Variants in ASIC2 observed in about 807,000 individuals in gnomAD.
The protein encoded by ASIC2 is acid-sensing ion channel 2.
Under a neutral mutation model 57.3 loss-of-function variants are expected in ASIC2, and 25 were observed. The observed-to-expected ratio is 0.44, with a 90% CI of 0.32 to 0.61. The LOEUF (loss-of-function observed/expected upper bound fraction) is 0.61, where lower values mean the gene tolerates loss of function less well. Ranked by LOEUF, ASIC2 falls within the 20% of genes least tolerant of loss-of-function variation. ASIC2 has a pLI of 0.06. For missense variants in ASIC2, 641 were observed against 738.1 expected (o/e 0.87, Z 1.52); for synonymous variants, 319 against 307.5 (o/e 1.04, Z -0.39).
chr17:33,320,214 G>C (rs1287970966), intron 1 of ASIC2, among the ~76,000 whole-genome samples: 1 of 152,162 alleles, frequency 6.6e-6, no homozygotes, highest in Non-Finnish European at 1.5e-5. Context: ...TTCTAAGAGG[G>C]CTCTCTATAA....
intron 1 of ASIC2, among the ~76,000 whole-genome samples, chr17:33,856,434 G>A (rs1913931578): frequency 4.5e-5 from 1 of 22,062 alleles, no homozygotes; most frequent in Admixed American, 7.1e-4. Flanking sequence ...TACTAGTAAT[G>A]AGGGTGGTAG....
chr17:33,139,399 A>G (rs1349894776), intron 1 of ASIC2, among the ~76,000 whole-genome samples: 2 of 152,150 alleles, frequency 1.3e-5, no homozygotes, highest in Non-Finnish European at 2.9e-5. Context: ...TCTTGGAAAA[A>G]TCTTTCAGTC....
At chr17:33,144,909 A>G (rs915070144) in intron 1 of ASIC2, among the ~76,000 whole-genome samples, 2 of 152,126 alleles carry the variant, frequency 1.3e-5, no homozygotes, top group African/African-American at 4.8e-5. Context: ...TTGCTCCTTC[A>G]TTTTCATTGG....
intron 2 of ASIC2, among the ~76,000 whole-genome samples, chr17:33,095,122 ACT>A (rs1354133233): frequency 1.3e-5 from 2 of 152,170 alleles, no homozygotes; most frequent in Non-Finnish European, 2.9e-5. Flanking sequence ...TAGCTTAATA[ACT>A]CAACAATTTG....
At chr17:33,447,257 A>G (rs906891543) in intron 1 of ASIC2, among the ~76,000 whole-genome samples, 1 of 149,070 alleles carries the variant, frequency 6.7e-6, no homozygotes, top group African/African-American at 2.5e-5. Flanking sequence ...CAGAAAGATT[A>G]AGGCTAAATG....
At chr17:33,702,098 CACAG>C (rs1908719215) in intron 1 of ASIC2, among the ~76,000 whole-genome samples, 1 of 152,296 alleles carries the variant, frequency 6.6e-6, no homozygotes, top group East Asian at 1.9e-4. Flanking sequence ...AATGTGACGT[CACAG>C]ACAATGTCCT....
chr17:33,215,887 G>T (rs1453527210), intron 1 of ASIC2, among the ~76,000 whole-genome samples: 1 of 152,120 alleles, frequency 6.6e-6, no homozygotes, highest in Non-Finnish European at 1.5e-5. Flanking sequence ...TTTTAGTAGA[G>T]ACGGGGTTTC....
At chr17:34,030,666 G>A (rs902212348) in intron 1 of ASIC2, among the ~76,000 whole-genome samples, 4 of 152,192 alleles carry the variant, frequency 2.6e-5, no homozygotes, top group East Asian at 3.9e-4. Context: ...CTAATACTGC[G>A]CTTTTCCAAT....
intron 1 of ASIC2, among the ~76,000 whole-genome samples, chr17:33,443,640 T>C (rs1911910394): frequency 6.6e-6 from 1 of 151,222 alleles, no homozygotes; most frequent in African/African-American, 2.4e-5. Flanking sequence ...ATGGTCTCGA[T>C]CTCCTGACCT....
intron 1 of ASIC2, among the ~76,000 whole-genome samples, chr17:33,476,492 A>AAT (rs200569075): frequency 1.3e-5 from 1 of 74,312 alleles, no homozygotes; most frequent in Non-Finnish European, 2.9e-5. Flanking sequence ...CCTTTTGCAA[A>AAT]GTGTGTGTGT....
At chr17:33,600,776 C>T (rs1405944416) in intron 1 of ASIC2, among the ~76,000 whole-genome samples, 1 of 151,990 alleles carries the variant, frequency 6.6e-6, no homozygotes, top group Non-Finnish European at 1.5e-5. Flanking sequence ...ATAGGGAAAG[C>T]CAAAATCTTA....
chr17:33,439,644 A>G (rs905816150), intron 1 of ASIC2, among the ~76,000 whole-genome samples: 4 of 152,242 alleles, frequency 2.6e-5, no homozygotes, highest in Admixed American at 6.5e-5. Flanking sequence ...TGAGTTTCAC[A>G]AATGTGTCAT....
chr17:33,297,182 C>T (rs777964474), upstream of ASIC2, among the ~76,000 whole-genome samples: 3 of 152,234 alleles, frequency 2.0e-5, no homozygotes, highest in Non-Finnish European at 4.4e-5. Context: ...CAAGACCATC[C>T]TTTCTTCTCC....
intron 1 of ASIC2, among the ~76,000 whole-genome samples, chr17:33,540,097 C>T (rs35070879): frequency 0.24 from 35,773 of 152,004 alleles, 4,851 homozygotes; most frequent in Non-Finnish European, 0.31. Context: ...ATGCCAATAT[C>T]GAGGTGTCGG....
intron 1 of ASIC2, chr17:33,794,679 C>T (rs1567717529): frequency 6.6e-6 from 1 of 152,034 alleles, no homozygotes; most frequent in Admixed American, 6.6e-5. Flanking sequence ...TTGGGTGAGC[C>T]CTCCGAGGCC....
intron 1 of ASIC2, among the ~76,000 whole-genome samples, chr17:33,544,801 T>C (rs889257877): frequency 1.3e-5 from 2 of 152,096 alleles, no homozygotes; most frequent in Non-Finnish European, 2.9e-5. Flanking sequence ...AAAATATAGG[T>C]CGGGTATTCC....
intron 1 of ASIC2, among the ~76,000 whole-genome samples, chr17:33,342,895 G>A (rs1907783716): frequency 6.6e-6 from 1 of 152,154 alleles, no homozygotes; most frequent in African/African-American, 2.4e-5. Flanking sequence ...AGCCAGGTGG[G>A]CAGGGCAGGC....
At chr17:33,104,262 C>T (rs186992957) in intron 2 of ASIC2, among the ~76,000 whole-genome samples, 1 of 152,330 alleles carries the variant, frequency 6.6e-6, no homozygotes, top group East Asian at 1.9e-4. Flanking sequence ...CCCATAAACA[C>T]ATATGTTCAA....
intron 1 of ASIC2, among the ~76,000 whole-genome samples, chr17:33,766,704 A>T (rs1910946439): frequency 1.3e-5 from 2 of 152,196 alleles, no homozygotes; most frequent in African/African-American, 4.8e-5. Context: ...AAATCAGAAG[A>T]AAAATAACAG....
Sources: allele counts gnomAD v4.1 joint callset (sites outside exome capture counted in the v4.1 genomes callset), GRCh38; gene constraint gnomAD v4.1.1; transcripts MANE v1.5; gene names NCBI Gene and HGNC (gene_info 2026-07-23, HGNC 2026-07-21).